DYNLT5: variants seen among roughly 807,000 people sequenced by gnomAD.
DYNLT5 encodes dynein light chain Tctex-type 5.
Under a neutral mutation model 19.3 loss-of-function variants are expected in DYNLT5, and 25 were observed. The observed-to-expected ratio is 1.30, with a 90% CI of 0.95 to 1.81. The LOEUF (loss-of-function observed/expected upper bound fraction) is 1.81, where lower values mean the gene tolerates loss of function less well. DYNLT5 is among the 40% of genes most tolerant of loss of function. The pLI, the probability that DYNLT5 is intolerant of heterozygous loss-of-function variation, is 0.00. For missense variants in DYNLT5, 232 were observed against 217.9 expected (o/e 1.06, Z -0.41); for synonymous variants, 82 against 68.9 (o/e 1.19, Z -0.94).
intron 2 of DYNLT5, among the ~76,000 whole-genome samples, chr1:66,767,155 A>T (rs1645162832): frequency 1.3e-5 from 2 of 152,162 alleles, no homozygotes. Context: ...TTAAAAAAAA[A>T]AAATTACCAG....
chr1:66,777,152 C>T (rs1645241084), intron 4 of DYNLT5, 99 bp from the exon 5 acceptor site: 1 of 997,830 alleles, frequency 1.0e-6, no homozygotes, highest in Non-Finnish European at 1.5e-6. Flanking sequence ...TACAATGCAT[C>T]ATGCTATTAA....
chr1:66,774,170 T>C (rs1232187806), intron 3 of DYNLT5, among the ~76,000 whole-genome samples: 6 of 152,188 alleles, frequency 3.9e-5, no homozygotes, highest in Admixed American at 3.9e-4. Context: ...TCTTCTCTTT[T>C]GGTGGCCTGG....
In DYNLT5 at chr1:66,778,502, G is replaced by A. The variant is rs773761359; in HGVS notation, c.*1048G>A. On this transcript the variant is annotated 3_prime_UTR_variant, in exon 5 of 5. Transcript: ENST00000282670. Reference sequence around the variant, plus strand: ...TGTGTGCAAGTAAAATGATGTTGTGGCGTTGTTCTTGGATGGTAAGTGGAC... The same window carrying A: ...TGTGTGCAAGTAAAATGATGTTGTGACGTTGTTCTTGGATGGTAAGTGGAC... The A allele has an allele frequency of 6.6e-6, 1 of 152,582 alleles. No individual in the cohort carries two copies. The highest frequency in any genetic ancestry group is 1.5e-5 in the Non-Finnish European group (1 of 68,038). The allele number at this position is 152,582 out of a possible 1,614,324, so 9.5% of individuals were successfully genotyped here. A position where few individuals can be genotyped will look rare whatever the true frequency, so the allele number is the denominator to read the frequency against.
intron 2 of DYNLT5, among the ~76,000 whole-genome samples, chr1:66,759,024 A>T (rs2094641250): frequency 6.6e-6 from 1 of 152,224 alleles, no homozygotes; most frequent in Non-Finnish European, 1.5e-5. Context: ...AAAAAGAGAA[A>T]ATAGTTTGGG....
intron 3 of DYNLT5, among the ~76,000 whole-genome samples, chr1:66,773,270 C>T (rs1430833383): frequency 6.6e-6 from 1 of 152,002 alleles, no homozygotes; most frequent in African/African-American, 2.4e-5. Context: ...GACAGCCTGC[C>T]TTGAGAATGA....
Position 66,776,351 on chromosome 1 carries a change from T to C in DYNLT5, c.284T>C (p.Val95Ala). The C allele has an allele frequency of 6.2e-7, 1 of 1,613,444 alleles. No individual in the cohort carries two copies. Among genetic ancestry groups the C allele is most frequent in the South Asian group, 1.1e-5 (1 of 90,948 alleles). ...LKDVVTSYLQ[V>A]EEYEPELCRQ... ...GATGTAGTAACCAGCTATCTACAAG[T>C]AGAAGAATATGAACCAGAGCTCTGT... The change falls in exon 4 of 5, where the codon GTA becomes GCA. Residue 95 changes from valine to alanine, a missense_variant. Physicochemically the swap from Val to Ala is moderately conservative, Grantham distance 64. Coordinates refer to ENST00000282670, the MANE Select transcript of DYNLT5 (RefSeq NM_152665.3).
intron 4 of DYNLT5, 80 bp downstream of exon 4, chr1:66,776,483 G>A: frequency 1.3e-6 from 2 of 1,487,490 alleles, no homozygotes; most frequent in Non-Finnish European, 9.0e-7. Flanking sequence ...CTTTTTTGAT[G>A]AGGGGAATTA....
intron 2 of DYNLT5, among the ~76,000 whole-genome samples, chr1:66,765,332 C>T (rs2094652841): frequency 6.6e-6 from 1 of 152,160 alleles, no homozygotes; most frequent in Admixed American, 6.5e-5. Flanking sequence ...AAAGATACTA[C>T]TTTAATGTCT....
chr1:66,757,196 G>A (rs547745887), intron 2 of DYNLT5, among the ~76,000 whole-genome samples: 1 of 152,148 alleles, frequency 6.6e-6, no homozygotes, highest in African/African-American at 2.4e-5. Context: ...TCCTTGAAAA[G>A]CTGCTTCTTA....
At chr1:66,757,070 G>A (rs531716159) in intron 2 of DYNLT5, among the ~76,000 whole-genome samples, 12 of 152,258 alleles carry the variant, frequency 7.9e-5, no homozygotes, top group Non-Finnish European at 1.5e-4. Context: ...TTTTGCCTTC[G>A]ATATGCACTA....
intron 2 of DYNLT5, 100 bp from the exon 3 acceptor site, chr1:66,770,287 A>G (rs111933237): frequency 1.2e-6 from 1 of 811,276 alleles, no homozygotes; most frequent in South Asian, 1.6e-5. Context: ...AAATTTTCTG[A>G]GAAAACTTCA....
At chr1:66,756,526 T>C (rs2094636301) in intron 2 of DYNLT5, among the ~76,000 whole-genome samples, 1 of 152,170 alleles carries the variant, frequency 6.6e-6, no homozygotes, top group Admixed American at 6.5e-5. Context: ...CATTTGAAAA[T>C]TACTTTAAAA....
In DYNLT5 at chr1:66,777,240, TAAA is replaced by T. The variant is rs1572553963; in HGVS notation, c.337-10_337-8del. 3.7e-6 allele frequency: 6 copies of T among 1,602,406 alleles called. No individual in the cohort carries two copies. The African/African-American group carries it at 4.0e-5, about 11-fold the overall frequency. ...GCTGAATGAAGACCCTCCCTTTTTT[TAAA>T]TTTCTAGGTTATTAAAGCCCAGGTC... On this transcript the variant is annotated splice_region_variant and splice_polypyrimidine_tract_variant and intron_variant, in intron 4 of 4. Transcript: ENST00000282670.
chr1:66,769,228 G>T (rs1645187484), intron 2 of DYNLT5, among the ~76,000 whole-genome samples: 1 of 152,114 alleles, frequency 6.6e-6, no homozygotes, highest in Non-Finnish European at 1.5e-5. Context: ...CACTCATCCA[G>T]AAATCCACCA....
chr1:66,754,526 A>G (rs1213904805), intron 1 of DYNLT5, 130 bp from the exon 2 acceptor site: 14 of 903,558 alleles, frequency 1.5e-5, no homozygotes, highest in Non-Finnish European at 3.0e-6. Flanking sequence ...ATTGCTCTTG[A>G]GGAAACCCCA....
At chr1:66,776,669 T>G (rs185143586) in intron 4 of DYNLT5, among the ~76,000 whole-genome samples, 2 of 152,044 alleles carry the variant, frequency 1.3e-5, no homozygotes, top group Admixed American at 6.6e-5. Flanking sequence ...TATAAAAGTG[T>G]TTATTGTAAA....
At chr1:66,767,924 T>C (rs764309615) in intron 2 of DYNLT5, among the ~76,000 whole-genome samples, 1 of 152,190 alleles carries the variant, frequency 6.6e-6, no homozygotes, top group South Asian at 2.1e-4. Context: ...ATAAGCCACA[T>C]AGGCCACAAT....
intron 2 of DYNLT5, among the ~76,000 whole-genome samples, chr1:66,759,871 A>G (rs182561396): frequency 4.6e-5 from 7 of 152,296 alleles, no homozygotes; most frequent in Admixed American, 3.3e-4. Flanking sequence ...TACATGATCT[A>G]GCTACCTGAT....
chr1:66,759,972 C>T (rs943336610), intron 2 of DYNLT5, among the ~76,000 whole-genome samples: 2 of 152,132 alleles, frequency 1.3e-5, no homozygotes, highest in Admixed American at 6.5e-5. Flanking sequence ...CTAGCAGCCT[C>T]CTGTCTCAAA....
Sources: gnomAD v4.1 joint callset for allele counts (sites outside exome capture counted in the v4.1 genomes callset) on GRCh38, gnomAD v4.1.1 for gene constraint, MANE v1.5 for transcripts, NCBI Gene and HGNC (gene_info 2026-07-23, HGNC 2026-07-21) for gene names.